The following SYNE1 variants were observed in gnomAD, a reference collection of about 807,000 sequenced individuals.
The protein encoded by SYNE1 is spectrin repeat containing nuclear envelope protein 1.
SYNE1 carries 616 observed loss-of-function variants against 1,111.0 expected under a neutral mutation model. That is an observed-to-expected ratio of 0.55 (90% CI 0.52 to 0.59). The LOEUF (loss-of-function observed/expected upper bound fraction) is 0.59, where lower values mean the gene tolerates loss of function less well. Ranked by LOEUF, SYNE1 falls within the 20% of genes least tolerant of loss-of-function variation. The pLI is 0.00. For synonymous variants in SYNE1, 3,855 were observed against 3,825.8 expected, an observed-to-expected ratio of 1.01 and a Z score of -0.28; for missense variants, 10,006 against 10,417.0, an observed-to-expected ratio of 0.96 and a Z score of 1.72.
rs141380170 is a variant in SYNE1, at chr6:152,318,177, T to C, written c.16476A>G (p.Gln5492=). The C allele has an allele frequency of 2.7e-4, 439 of 1,614,174 alleles. No homozygotes were observed. In the African/African-American group the frequency reaches 5.1e-3, roughly 19 times the overall value. The change falls in exon 86 of 146, where the codon CAA becomes CAG. Residue 5492 remains glutamine, a synonymous_variant. Transcript: ENST00000367255. ...TCTTCTTGGCCAGTGGCTTACCCAG[T>C]TGGCCATTCTGTTCCAAGAATTTCT... ...AVQKFLEQNG[Q]LGKPLAKKIG...
rs140968889 is a variant in SYNE1, at chr6:152,585,687, G to C, written c.67+42578C>G. 1.6e-3 allele frequency among the ~76,000 whole-genome samples: 245 copies of C among 151,872 alleles called. 1 individual carries two copies. The highest frequency in any genetic ancestry group is 5.4e-3 in the African/African-American group (225 of 41,368). The stretch of plus-strand genomic sequence containing the variant: ...ACAAATCAGTTTCTTTTTGGTTCTG[G>C]GTTTCTGACAAGCTAAGAAAGGATT... On this transcript the variant is annotated intron_variant, in intron 3 of 145. Coordinates refer to ENST00000367255, the MANE Select transcript of SYNE1 (RefSeq NM_182961.4).
intron 39 of SYNE1, 111 bp from the exon 40 acceptor site, chr6:152,419,833 T>C: frequency 1.9e-6 from 2 of 1,060,520 alleles, no homozygotes; most frequent in South Asian, 2.7e-5. Context: ...TTGTCACACA[T>C]GAACACTCTA....
intron 63 of SYNE1, among the ~76,000 whole-genome samples, chr6:152,363,123 T>C (rs976185354): frequency 2.7e-5 from 4 of 150,474 alleles, no homozygotes; most frequent in Non-Finnish European, 5.9e-5. Flanking sequence ...CCTTGTGATC[T>C]GCCTGCCTCG....
intron 140 of SYNE1, 112 bp downstream of exon 140, chr6:152,139,838 A>ATC: frequency 9.0e-7 from 1 of 1,116,536 alleles, no homozygotes; most frequent in South Asian, 1.3e-5. Flanking sequence ...TTTTTGTTAG[A>ATC]TCCCTTTTCT....
intron 3 of SYNE1, among the ~76,000 whole-genome samples, chr6:152,604,046 T>C (rs1324935130): frequency 2.6e-5 from 4 of 150,978 alleles, no homozygotes; most frequent in African/African-American, 9.7e-5. Flanking sequence ...TGTATGTATG[T>C]TCATATATGT....
At chr6:152,547,758 C>T (rs558203613) in intron 3 of SYNE1, among the ~76,000 whole-genome samples, 6 of 152,238 alleles carry the variant, frequency 3.9e-5, no homozygotes, top group East Asian at 3.9e-4. Flanking sequence ...TAAATGATAT[C>T]ACACAGTACC....
chr6:152,609,830 T>C (rs2758794), intron 3 of SYNE1, among the ~76,000 whole-genome samples: 108,892 of 152,152 alleles, frequency 0.72, 39,065 homozygotes, highest in East Asian at 0.81. Context: ...CTCCAGCCTC[T>C]GCTGGTAAAA....
chr6:152,550,754 A>T (rs1308346997), intron 3 of SYNE1, among the ~76,000 whole-genome samples: 1 of 152,128 alleles, frequency 6.6e-6, no homozygotes, highest in Admixed American at 6.6e-5. Flanking sequence ...AACGTCTTTG[A>T]TTGCAAGGTG....
Position 152,436,069 on chromosome 6 carries a change from G to A in SYNE1, c.4182C>T (p.Val1394=), listed in dbSNP as rs2098471445. Residue 1394 remains valine, a synonymous_variant, in exon 33 of 146, where the codon GTC becomes GTT. Coordinates refer to ENST00000367255, the MANE Select transcript of SYNE1 (RefSeq NM_182961.4). ...EFSKRTESIA[V]QAENLVKEAS... ...CTTCCTTTACAAGGTTCTCAGCCTG[G>A]ACTGCAATACTTTCTGTCCGTTTAG... 6.2e-7 allele frequency: 1 copy of A among 1,613,898 alleles called. No individual in the cohort carries two copies.
At position 152,595,713 on chromosome 6, in the gene SYNE1, A is replaced by G. The variant is rs181927145; in HGVS notation, c.67+32552T>C. On this transcript the variant is annotated intron_variant, in intron 3 of 145. Coordinates refer to ENST00000367255, the MANE Select transcript of SYNE1 (RefSeq NM_182961.4). ...GTTGTGGGAAAATGCAATTGGCTCT[A>G]CATCTGCCCCTAGTGGGAACTCTGG... Among the ~76,000 whole-genome samples the G allele has an allele frequency of 3.3e-5, 5 of 152,256 alleles. No individual in the cohort carries two copies. The East Asian group carries it at 9.6e-4, about 29-fold the overall frequency.
At chr6:152,221,311 G>C in intron 118 of SYNE1, 115 bp downstream of exon 118, 1 of 1,346,626 alleles carries the variant, frequency 7.4e-7, no homozygotes, top group Non-Finnish European at 1.0e-6. Flanking sequence ...TGAAAGAGAA[G>C]TTTAAAGGAA....
At chr6:152,394,380 CT>C (rs1430955391) in intron 51 of SYNE1, among the ~76,000 whole-genome samples, 4 of 152,068 alleles carry the variant, frequency 2.6e-5, no homozygotes, top group Admixed American at 2.6e-4. Flanking sequence ...TCTTCTGCTT[CT>C]TATGTAGATG....
intron 6 of SYNE1, among the ~76,000 whole-genome samples, chr6:152,515,107 A>G (rs1414279784): frequency 6.6e-6 from 1 of 152,050 alleles, no homozygotes. Context: ...CTGTAGTCCC[A>G]GCTACTCGGG....
intron 101 of SYNE1, among the ~76,000 whole-genome samples, chr6:152,258,742 T>A (rs1362500661): frequency 2.6e-5 from 4 of 151,000 alleles, no homozygotes; most frequent in Non-Finnish European, 5.9e-5. Flanking sequence ...TTTCTTTTTT[T>A]CTTCTTCTTT....
chr6:152,514,639 A>T lies in SYNE1; in HGVS notation c.310-3536T>A, dbSNP rs149329544. Among the ~76,000 whole-genome samples the T allele has an allele frequency of 6.7e-5, 10 of 150,360 alleles. No individual in the cohort carries two copies. In the East Asian group the frequency reaches 1.4e-3, roughly 21 times the overall value. On this transcript the variant is annotated intron_variant, in intron 6 of 145. Transcript: ENST00000367255. ...TTAAAGTATAATTTAAAAAAATAATAAAAAAAAACAATGAATACCAAAAAA... is the reference window on the plus strand; with the variant it reads ...TTAAAGTATAATTTAAAAAAATAATTAAAAAAAACAATGAATACCAAAAAA...
At chr6:152,530,069 C>T (rs1181273713) in intron 4 of SYNE1, among the ~76,000 whole-genome samples, 1 of 152,164 alleles carries the variant, frequency 6.6e-6, no homozygotes, top group East Asian at 1.9e-4. Flanking sequence ...GAAAACCACA[C>T]TACTGGGGCA....
In SYNE1 at chr6:152,122,314, G is replaced by T; in HGVS notation, c.*122C>A. Reference sequence around the variant, plus strand: ...TTGCACACATGTGATCTGGAGGAGGGCTAAAGCTGCCACACCGAGGGCTTT... The same window carrying T: ...TTGCACACATGTGATCTGGAGGAGGTCTAAAGCTGCCACACCGAGGGCTTT... On this transcript the variant is annotated 3_prime_UTR_variant, in exon 146 of 146. Transcript: ENST00000367255. 6.5e-7 allele frequency: 1 copy of T among 1,529,188 alleles called. No homozygotes were observed. The highest frequency in any genetic ancestry group is 9.0e-7 in the Non-Finnish European group (1 of 1,109,142). 94.7% of individuals were successfully genotyped at this position (1,529,188 alleles called of 1,614,324 possible). A position where few individuals can be genotyped will look rare whatever the true frequency, so the allele number is the denominator to read the frequency against.
At chr6:152,518,265 A>C (rs1331083987) in intron 6 of SYNE1, among the ~76,000 whole-genome samples, 1 of 150,780 alleles carries the variant, frequency 6.6e-6, no homozygotes. Flanking sequence ...TCCCCATTCA[A>C]ATTTCATATT....
intron 130 of SYNE1, among the ~76,000 whole-genome samples, chr6:152,171,428 C>T (rs1358987357): frequency 6.6e-6 from 1 of 152,200 alleles, no homozygotes; most frequent in Non-Finnish European, 1.5e-5. Flanking sequence ...GCTGGGACTA[C>T]TATGGTGATC....
Sources: gnomAD v4.1 joint callset for allele counts (sites outside exome capture counted in the v4.1 genomes callset) on GRCh38, gnomAD v4.1.1 for gene constraint, MANE v1.5 for transcripts, NCBI Gene and HGNC (gene_info 2026-07-23, HGNC 2026-07-21) for gene names.